NKAIN2: variants seen among roughly 807,000 people sequenced by gnomAD.
NKAIN2 encodes the protein sodium/potassium-transporting ATPase subunit beta-1-interacting protein 2.
Under a neutral mutation model 32.6 loss-of-function variants are expected in NKAIN2, and 14 were observed. The ratio of observed to expected loss-of-function variants is 0.43; its 90% confidence interval spans 0.28 to 0.67. NKAIN2 has a LOEUF of 0.67. Ranked by LOEUF, NKAIN2 falls within the 30% of genes least tolerant of loss-of-function variation. NKAIN2 has a pLI of 0.17. For missense variants in NKAIN2, 198 were observed against 258.3 expected, an observed-to-expected ratio of 0.77 and a Z score of 1.60; for synonymous variants, 80 against 87.2, an observed-to-expected ratio of 0.92 and a Z score of 0.46.
chr6:124,753,599 G>C (rs911768942), intron 4 of NKAIN2, among the ~76,000 whole-genome samples: 15 of 152,090 alleles, frequency 9.9e-5, no homozygotes, highest in African/African-American at 3.4e-4. Context: ...ATTCTTAACA[G>C]ATTGGCAGTT....
At chr6:123,967,484 CTAT>C (rs1778137823) in intron 1 of NKAIN2, among the ~76,000 whole-genome samples, 1 of 152,174 alleles carries the variant, frequency 6.6e-6, no homozygotes, top group African/African-American at 2.4e-5. Flanking sequence ...CTGCTACTCT[CTAT>C]TGTTTGTTAT....
chr6:124,507,227 T>C (rs1778520717), intron 3 of NKAIN2, among the ~76,000 whole-genome samples: 1 of 152,176 alleles, frequency 6.6e-6, no homozygotes, highest in South Asian at 2.1e-4. Flanking sequence ...ATGTGGGGCA[T>C]ATTATTCTTT....
intron 1 of NKAIN2, among the ~76,000 whole-genome samples, chr6:124,203,475 A>G (rs1790690302): frequency 6.6e-6 from 1 of 151,900 alleles, no homozygotes; most frequent in Non-Finnish European, 1.5e-5. Flanking sequence ...AATTCAAACT[A>G]TTAATTATTA....
chr6:124,789,902 G>T (rs1362399389), intron 4 of NKAIN2, among the ~76,000 whole-genome samples: 1 of 151,916 alleles, frequency 6.6e-6, no homozygotes, highest in African/African-American at 2.4e-5. Context: ...ATTTATTTTT[G>T]ACTCTCTAAG....
At chr6:124,444,145 T>C (rs1316601890) in intron 3 of NKAIN2, among the ~76,000 whole-genome samples, 2 of 152,076 alleles carry the variant, frequency 1.3e-5, no homozygotes, top group Non-Finnish European at 2.9e-5. Context: ...TTATTGTTGA[T>C]AAATTATTGA....
intron 2 of NKAIN2, among the ~76,000 whole-genome samples, chr6:124,297,075 A>G (rs1333640065): frequency 6.6e-6 from 1 of 152,176 alleles, no homozygotes; most frequent in Non-Finnish European, 1.5e-5. Flanking sequence ...TTAAAACCAG[A>G]TAATAAGAAT....
chr6:124,315,696 G>A (rs2115011490), intron 2 of NKAIN2, among the ~76,000 whole-genome samples: 1 of 152,204 alleles, frequency 6.6e-6, no homozygotes, highest in East Asian at 1.9e-4. Flanking sequence ...ATGCATTGGA[G>A]AAAAGATATT....
At chr6:124,299,426 A>G (rs546713312) in intron 2 of NKAIN2, among the ~76,000 whole-genome samples, 1 of 152,156 alleles carries the variant, frequency 6.6e-6, no homozygotes. Context: ...TATTTTTCCT[A>G]CATTTTCTCC....
intron 1 of NKAIN2, among the ~76,000 whole-genome samples, chr6:123,966,979 C>T (rs897828962): frequency 1.3e-5 from 2 of 152,084 alleles, no homozygotes; most frequent in Non-Finnish European, 2.9e-5. Flanking sequence ...AAAAATCTCC[C>T]GAGTCCTAAA....
intron 4 of NKAIN2, among the ~76,000 whole-genome samples, chr6:124,788,484 A>G (rs1779601850): frequency 6.6e-6 from 1 of 152,070 alleles, no homozygotes; most frequent in Non-Finnish European, 1.5e-5. Context: ...AGTTAAATTG[A>G]CTCACACTTC....
chr6:124,643,328 G>T (rs548999132), intron 3 of NKAIN2, among the ~76,000 whole-genome samples: 4 of 152,144 alleles, frequency 2.6e-5, no homozygotes, highest in African/African-American at 9.6e-5. Flanking sequence ...AATACAAGTT[G>T]TATATCTATA....
At chr6:124,626,151 C>CTT (rs533966442) in intron 3 of NKAIN2, among the ~76,000 whole-genome samples, 2 of 139,634 alleles carry the variant, frequency 1.4e-5, no homozygotes, top group South Asian at 2.3e-4. Flanking sequence ...TGTATCACCA[C>CTT]TTTAAAATAG....
At chr6:124,665,323 G>A (rs889715459) in intron 4 of NKAIN2, among the ~76,000 whole-genome samples, 6 of 152,084 alleles carry the variant, frequency 3.9e-5, no homozygotes, top group Non-Finnish European at 7.4e-5. Context: ...ATAGACCAAA[G>A]GAACAGAATA....
intron 3 of NKAIN2, among the ~76,000 whole-genome samples, chr6:124,522,176 G>A (rs141417148): frequency 2.6e-5 from 4 of 151,976 alleles, no homozygotes; most frequent in Admixed American, 1.3e-4. Context: ...ACCAGGGTTC[G>A]GCACATAAAG....
At position 124,117,199 on chromosome 6, in the gene NKAIN2, A is replaced by G. The variant is rs116587080; in HGVS notation, c.55-165806A>G. 9.6e-3 allele frequency among the ~76,000 whole-genome samples: 1,462 copies of G among 152,202 alleles called. 31 individuals are homozygous for G. Among genetic ancestry groups the G allele is most frequent in the African/African-American group, 0.033 (1,367 of 41,546 alleles). Reference sequence around the variant, plus strand: ...GTAGAAAAACTTATTTCATAGAAAAATTCTGTGGGGAGGTCCAGGAGAAAA... The same window carrying G: ...GTAGAAAAACTTATTTCATAGAAAAGTTCTGTGGGGAGGTCCAGGAGAAAA... On this transcript the variant is annotated intron_variant, in intron 1 of 6. Coordinates refer to ENST00000368417, the MANE Select transcript of NKAIN2 (RefSeq NM_001040214.3).
rs567843150 is a variant in NKAIN2 at position 124,758,435 on chromosome 6, A to G, written c.475-32904A>G. 4.3e-4 allele frequency among the ~76,000 whole-genome samples: 66 copies of G among 152,286 alleles called. 1 individual carries two copies. The highest frequency in any genetic ancestry group is 1.5e-3 in the African/African-American group (64 of 41,588). ...TGAGCCAGGAAGAGGACCCCACCAGACGCAGAATCTGCCGGCACCTTAATC... is the reference window on the plus strand; with the variant it reads ...TGAGCCAGGAAGAGGACCCCACCAGGCGCAGAATCTGCCGGCACCTTAATC... On this transcript the variant is annotated intron_variant, in intron 4 of 6. Coordinates refer to ENST00000368417, the MANE Select transcript of NKAIN2 (RefSeq NM_001040214.3).
intron 3 of NKAIN2, among the ~76,000 whole-genome samples, chr6:124,392,141 T>C (rs1773169955): frequency 6.6e-6 from 1 of 152,164 alleles, no homozygotes; most frequent in African/African-American, 2.4e-5. Flanking sequence ...AAAGTGCTTT[T>C]AAAAACTGGA....
rs1048888361 is a variant in NKAIN2 at position 123,987,493 on chromosome 6, G to A, written c.54+183239G>A. Among the ~76,000 whole-genome samples, 7 of 152,134 alleles carry A rather than the reference G, an allele frequency of 4.6e-5. No individual in the cohort carries two copies. The East Asian group carries it at 9.7e-4, about 21-fold the overall frequency. ...GCAGTTTTGTAGGTAAGAAGCTTGG[G>A]CCGATGTGGGAGGTTTTTCTGCTCA... On this transcript the variant is annotated intron_variant, in intron 1 of 6. Coordinates refer to ENST00000368417, the MANE Select transcript of NKAIN2 (RefSeq NM_001040214.3).
chr6:124,494,125 T>A (rs1349867861), intron 3 of NKAIN2, among the ~76,000 whole-genome samples: 2 of 152,064 alleles, frequency 1.3e-5, no homozygotes. Flanking sequence ...GCTACCTCTA[T>A]TGTAATGCAA....
Sources: allele counts gnomAD v4.1 joint callset (sites outside exome capture counted in the v4.1 genomes callset), GRCh38; gene constraint gnomAD v4.1.1; transcripts MANE v1.5; gene names NCBI Gene and HGNC (gene_info 2026-07-23, HGNC 2026-07-21).